STK33: variants seen among roughly 807,000 people sequenced by gnomAD.
The protein encoded by STK33 is serine/threonine kinase 33.
In STK33, 52 loss-of-function variants were observed where a neutral mutation model predicts 58.0. The observed-to-expected ratio is 0.90, with a 90% confidence interval of 0.72 to 1.13. The LOEUF is 1.13. STK33 is among the 50% of genes most tolerant of loss of function. The pLI is 0.00. For synonymous variants in STK33, 215 were observed against 200.1 expected (o/e 1.07, Z -0.63); for missense variants, 630 against 604.2 (o/e 1.04, Z -0.45).
chr11:8,528,208 G>A (rs777074897), intron 1 of STK33, among the ~76,000 whole-genome samples: 24 of 150,008 alleles, frequency 1.6e-4, no homozygotes, highest in Non-Finnish European at 2.4e-4. Context: ...ATGCCTGCAA[G>A]TAATTGTTTA....
Position 8,518,271 on chromosome 11 carries a change from C to T in STK33, c.-465-37657G>A, listed in dbSNP as rs1005394475. 2.6e-5 allele frequency among the ~76,000 whole-genome samples: 4 copies of T among 152,182 alleles called. No homozygotes were observed. In the East Asian group the frequency reaches 7.7e-4, roughly 29 times the overall value. On this transcript the variant is annotated intron_variant, in intron 1 of 15. Coordinates refer to ENST00000687296, the MANE Select transcript of STK33 (RefSeq NM_001352389.2). ...TCATAAGTGAAGGAGAAATAAAATC[C>T]TTCAGAGACAAGCAAATGCTGAGAG...
At chr11:8,584,328 G>A (rs946924563) in intron 1 of STK33, among the ~76,000 whole-genome samples, 4 of 152,124 alleles carry the variant, frequency 2.6e-5, no homozygotes, top group Admixed American at 2.6e-4. Context: ...TCCTACATAA[G>A]TGACCTCTGG....
chr11:8,561,877 C>A (rs1238137899), intron 1 of STK33, among the ~76,000 whole-genome samples: 1 of 152,168 alleles, frequency 6.6e-6, no homozygotes, highest in East Asian at 1.9e-4. Context: ...GACTGCTTAT[C>A]TCAACTAGGG....
intron 8 of STK33, among the ~76,000 whole-genome samples, chr11:8,459,718 T>G (rs570904653): frequency 3.3e-4 from 50 of 152,088 alleles, no homozygotes; most frequent in Middle Eastern, 6.8e-3. Context: ...GGCATGGAGT[T>G]GGAAGCCCAG....
intron 1 of STK33, among the ~76,000 whole-genome samples, chr11:8,509,046 G>T (rs186785521): frequency 1.7e-4 from 25 of 151,496 alleles, no homozygotes; most frequent in Non-Finnish European, 1.2e-4. Flanking sequence ...AGCCCAGGAG[G>T]CGGAGGTTTT....
At chr11:8,481,221 G>A (rs1346084468) in intron 1 of STK33, among the ~76,000 whole-genome samples, 1 of 152,154 alleles carries the variant, frequency 6.6e-6, no homozygotes, top group Non-Finnish European at 1.5e-5. Flanking sequence ...TCCCCTTATA[G>A]CCAGACCTCT....
intron 1 of STK33, among the ~76,000 whole-genome samples, chr11:8,509,206 T>C (rs578233156): frequency 1.3e-5 from 2 of 151,398 alleles, no homozygotes; most frequent in South Asian, 2.1e-4. Flanking sequence ...ACACTTCTCA[T>C]ATAAAGGATA....
At chr11:8,533,770 GT>G (rs1457236499) in intron 1 of STK33, among the ~76,000 whole-genome samples, 1 of 152,126 alleles carries the variant, frequency 6.6e-6, no homozygotes, top group Non-Finnish European at 1.5e-5. Flanking sequence ...TTGTTACATG[GT>G]TTTGTTTGTG....
At chr11:8,532,860 C>A (rs187578390) in intron 1 of STK33, among the ~76,000 whole-genome samples, 47 of 152,212 alleles carry the variant, frequency 3.1e-4, no homozygotes, top group African/African-American at 1.1e-3. Context: ...TGTAATGCAC[C>A]CATTTTTAAC....
At position 8,551,425 on chromosome 11, in the gene STK33, T is replaced by C. The variant is rs1229678956; in HGVS notation, c.-466+42658A>G. Reference sequence around the variant, plus strand: ...GATTACAGGCATGAGCCACCATGCCTGGCCTTATTCTGAATTCTTTATCAG... The same window carrying C: ...GATTACAGGCATGAGCCACCATGCCCGGCCTTATTCTGAATTCTTTATCAG... On this transcript the variant is annotated intron_variant, in intron 1 of 15. Coordinates refer to ENST00000687296, the MANE Select transcript of STK33 (RefSeq NM_001352389.2). Among the ~76,000 whole-genome samples the C allele has an allele frequency of 2.0e-5, 3 of 152,196 alleles. No individual in the cohort carries two copies. The South Asian group carries it at 6.2e-4, about 31-fold the overall frequency.
chr11:8,489,283 A>AG (rs1274255091), intron 1 of STK33, among the ~76,000 whole-genome samples: 1 of 149,116 alleles, frequency 6.7e-6, no homozygotes, highest in Non-Finnish European at 1.5e-5. Context: ...AAAAAAAAAA[A>AG]GAAAGAAAAG....
intron 1 of STK33, among the ~76,000 whole-genome samples, chr11:8,526,460 T>C (rs113525574): frequency 7.4e-4 from 113 of 152,266 alleles, no homozygotes; most frequent in African/African-American, 2.6e-3. Flanking sequence ...TATTATCTAT[T>C]AAAGTTAAAT....
intron 8 of STK33, among the ~76,000 whole-genome samples, chr11:8,459,377 T>C (rs1947250938): frequency 6.6e-6 from 1 of 152,078 alleles, no homozygotes; most frequent in African/African-American, 2.4e-5. Flanking sequence ...CTACATGAAT[T>C]AAGGGAAAGC....
At chr11:8,398,134 A>G (rs908231279) in intron 15 of STK33, among the ~76,000 whole-genome samples, 4 of 152,208 alleles carry the variant, frequency 2.6e-5, no homozygotes, top group Admixed American at 2.6e-4. Context: ...CTCCTCGAGA[A>G]GAGCAACTCC....
the STK33 span, among the ~76,000 whole-genome samples, chr11:8,349,974 G>A: frequency 1.3e-5 from 2 of 152,252 alleles, no homozygotes; most frequent in Non-Finnish European, 2.9e-5. Context: ...ACAGAGCTGC[G>A]ATCATGCACA....
At chr11:8,344,090 C>T in the STK33 span, among the ~76,000 whole-genome samples, 1 of 152,114 alleles carries the variant, frequency 6.6e-6, no homozygotes, top group Non-Finnish European at 1.5e-5. Flanking sequence ...GTGACTCTCG[C>T]CTAGAATACC....
chr11:8,461,739 G>T, intron 8 of STK33, 66 bp downstream of exon 8: 1 of 1,285,346 alleles, frequency 7.8e-7, no homozygotes, highest in Non-Finnish European at 1.1e-6. Context: ...GATTATTTCA[G>T]AATGGAATGA....
chr11:8,584,089 T>C (rs541176398), intron 1 of STK33, among the ~76,000 whole-genome samples: 1 of 148,402 alleles, frequency 6.7e-6, no homozygotes, highest in Admixed American at 6.8e-5. Flanking sequence ...AGAATGATTT[T>C]AGGCTGAAAG....
At chr11:8,567,176 C>T (rs1226648490) in intron 1 of STK33, 1 of 152,036 alleles carries the variant, frequency 6.6e-6, no homozygotes, top group Admixed American at 6.6e-5. Flanking sequence ...TAAAACATTA[C>T]TAATAAAATT....
Sources: gnomAD v4.1 joint callset for allele counts (sites outside exome capture counted in the v4.1 genomes callset) on GRCh38, gnomAD v4.1.1 for gene constraint, MANE v1.5 for transcripts, NCBI Gene and HGNC (gene_info 2026-07-23, HGNC 2026-07-21) for gene names.